The following ZEB1 variants were observed in gnomAD, a reference collection of about 807,000 sequenced individuals.
The protein encoded by ZEB1 is zinc finger E-box-binding homeobox 1.
A neutral mutation model predicts 84.9 loss-of-function variants in ZEB1; 21 were observed. That is an observed-to-expected ratio of 0.25 (90% CI 0.18 to 0.36). The LOEUF (loss-of-function observed/expected upper bound fraction) is 0.36. Ranked by LOEUF, ZEB1 falls within the 10% of genes least tolerant of loss-of-function variation. The probability of loss-of-function intolerance (pLI) is 1.00; values close to 1 mark genes in which losing one functional copy is unlikely to be tolerated. For synonymous variants in ZEB1, 420 were observed against 471.1 expected, an observed-to-expected ratio of 0.89 and a Z score of 1.41; for missense variants, 1,104 against 1,330.2, an observed-to-expected ratio of 0.83 and a Z score of 2.65.
At chr10:31,353,680 G>A (rs955817606) in intron 1 of ZEB1, among the ~76,000 whole-genome samples, 4 of 152,192 alleles carry the variant, frequency 2.6e-5, no homozygotes, top group Admixed American at 1.3e-4. Flanking sequence ...AAGGAATAGA[G>A]ATAAAATATT....
At chr10:31,506,294 T>C (rs536609239) in intron 4 of ZEB1, among the ~76,000 whole-genome samples, 1 of 152,176 alleles carries the variant, frequency 6.6e-6, no homozygotes, top group East Asian at 1.9e-4. Flanking sequence ...CGGTATAAAA[T>C]GCAGTTTAAA....
intron 1 of ZEB1, among the ~76,000 whole-genome samples, chr10:31,323,099 C>T (rs1413933788): frequency 1.3e-5 from 2 of 152,186 alleles, no homozygotes; most frequent in East Asian, 3.9e-4. Flanking sequence ...TTATTTAAGT[C>T]TCTAATTGAG....
At chr10:31,386,656 T>C (rs1258340183) in intron 1 of ZEB1, among the ~76,000 whole-genome samples, 1 of 152,194 alleles carries the variant, frequency 6.6e-6, no homozygotes, top group Non-Finnish European at 1.5e-5. Context: ...TTATTAATTA[T>C]AGTAGATTAT....
rs1274159733 is a variant in ZEB1, at chr10:31,319,231, G to A, written c.-4G>A. On this transcript the variant is annotated 5_prime_UTR_variant, in exon 1 of 9. Transcript: ENST00000424869. ...TCGAGCATTTAGACACAAGCGAGAGGATCATGGCGGATGGCCCCAGGTGTA... is the reference window on the plus strand; with the variant it reads ...TCGAGCATTTAGACACAAGCGAGAGAATCATGGCGGATGGCCCCAGGTGTA... 1 of 1,607,964 alleles carries A rather than the reference G, an allele frequency of 6.2e-7. No homozygotes were observed. The highest frequency in any genetic ancestry group is 8.5e-7 in the Non-Finnish European group (1 of 1,177,928).
At chr10:31,355,700 A>G (rs529571983) in intron 1 of ZEB1, among the ~76,000 whole-genome samples, 1 of 152,298 alleles carries the variant, frequency 6.6e-6, no homozygotes, top group Admixed American at 6.5e-5. Context: ...CAGGCAACAG[A>G]AATAGCATCT....
chr10:31,382,026 A>AACAAAAC (rs2047767642), intron 1 of ZEB1, among the ~76,000 whole-genome samples: 1 of 150,258 alleles, frequency 6.7e-6, no homozygotes, highest in African/African-American at 2.5e-5. Context: ...AAAAAAAAAA[A>AACAAAAC]AAAAAAAACA....
chr10:31,427,470 C>A (rs1469559429), intron 1 of ZEB1, among the ~76,000 whole-genome samples: 1 of 152,118 alleles, frequency 6.6e-6, no homozygotes, highest in Non-Finnish European at 1.5e-5. Context: ...TATTATGACT[C>A]ACTCTCTTTC....
intron 1 of ZEB1, among the ~76,000 whole-genome samples, chr10:31,432,418 G>C (rs570482432): frequency 1.3e-5 from 2 of 152,226 alleles, no homozygotes; most frequent in South Asian, 4.1e-4. Flanking sequence ...GCAAAACCCT[G>C]TCTCTACAGA....
intron 1 of ZEB1, among the ~76,000 whole-genome samples, chr10:31,331,963 T>G (rs755625031): frequency 6.6e-6 from 1 of 152,218 alleles, no homozygotes; most frequent in South Asian, 2.1e-4. Context: ...GTGACATGAT[T>G]ACATTTATAT....
At chr10:31,412,203 C>G (rs1564769942) in intron 1 of ZEB1, among the ~76,000 whole-genome samples, 1 of 152,116 alleles carries the variant, frequency 6.6e-6, no homozygotes. Flanking sequence ...GAAGGGAATA[C>G]TAATTTTTAA....
intron 5 of ZEB1, among the ~76,000 whole-genome samples, chr10:31,511,221 T>C: frequency 6.6e-6 from 1 of 152,202 alleles, no homozygotes; most frequent in Middle Eastern, 3.2e-3. Context: ...GAAAAATAAG[T>C]ACTGACTATA....
intron 1 of ZEB1, among the ~76,000 whole-genome samples, chr10:31,357,370 A>T (rs2042288913): frequency 6.6e-6 from 1 of 152,118 alleles, no homozygotes; most frequent in African/African-American, 2.4e-5. Context: ...GGTTCTCTGA[A>T]ACTGTTGTGA....
At chr10:31,425,293 ATTAC>A (rs1201785911) in intron 1 of ZEB1, among the ~76,000 whole-genome samples, 2 of 152,054 alleles carry the variant, frequency 1.3e-5, no homozygotes, top group Non-Finnish European at 2.9e-5. Context: ...TTTTGAAACC[ATTAC>A]TTAATGAGTT....
chr10:31,376,436 G>T (rs78971517), intron 1 of ZEB1, among the ~76,000 whole-genome samples: 2,442 of 151,876 alleles, frequency 0.016, 54 homozygotes, highest in African/African-American at 0.056. Context: ...ATGAGAAACT[G>T]CTGTGGAAAG....
intron 4 of ZEB1, among the ~76,000 whole-genome samples, chr10:31,503,933 G>A (rs896034485): frequency 6.8e-6 from 1 of 146,862 alleles, no homozygotes; most frequent in African/African-American, 2.7e-5. Flanking sequence ...TAAATCTGTT[G>A]AATAGTTTGT....
intron 2 of ZEB1, among the ~76,000 whole-genome samples, chr10:31,485,094 TA>T (rs1485506744): frequency 6.6e-6 from 1 of 151,942 alleles, no homozygotes; most frequent in Non-Finnish European, 1.5e-5. Context: ...ATCATTCCTA[TA>T]ATTGTCAATC....
rs895821465 is a variant in ZEB1, at chr10:31,458,334, TGTTGTG to T, written c.59-2702_59-2697del. 8.0e-5 allele frequency among the ~76,000 whole-genome samples: 8 copies of T among 99,594 alleles called. No individual in the cohort carries two copies. The African/African-American group carries it at 1.4e-3, about 18-fold the overall frequency. The allele number at this position is 99,594 out of a possible 152,430, so 65.3% of individuals were successfully genotyped here. ...TTCCGTGTGTGTGTGTGTGTGTGTG[TGTTGTG>T]TGTGTGTGTGTGTGTGTGTGTGTGT... On this transcript the variant is annotated intron_variant, in intron 1 of 8. Transcript: ENST00000424869.
intron 2 of ZEB1, among the ~76,000 whole-genome samples, chr10:31,478,331 A>G (rs1365231943): frequency 6.6e-6 from 1 of 152,076 alleles, no homozygotes; most frequent in Non-Finnish European, 1.5e-5. Context: ...CAGAATGGCT[A>G]TGATTAAAAG....
At chr10:31,416,897 T>C (rs1361955816) in intron 1 of ZEB1, among the ~76,000 whole-genome samples, 4 of 152,166 alleles carry the variant, frequency 2.6e-5, no homozygotes, top group African/African-American at 9.7e-5. Flanking sequence ...AAACTTGGGC[T>C]GTTAGAATAC....
Sources: allele counts gnomAD v4.1 joint callset (sites outside exome capture counted in the v4.1 genomes callset), GRCh38; gene constraint gnomAD v4.1.1; transcripts MANE v1.5; gene names NCBI Gene and HGNC (gene_info 2026-07-23, HGNC 2026-07-21).